SEPHS1: variants seen among roughly 807,000 people sequenced by gnomAD.
SEPHS1 encodes the protein selenophosphate synthetase 1.
In SEPHS1, 7 loss-of-function variants were observed where a neutral mutation model predicts 39.2. The observed-to-expected ratio is 0.18, with a 90% CI of 0.10 to 0.34. The LOEUF (loss-of-function observed/expected upper bound fraction) is 0.34. Among genes scored for constraint, SEPHS1 ranks in the 10% least tolerant of loss-of-function variants. The pLI is 1.00. For synonymous variants in SEPHS1, 190 were observed against 195.5 expected (o/e 0.97, Z 0.23); for missense variants, 253 against 514.5 (o/e 0.49, Z 4.92).
At chr10:13,326,634 A>G (rs1357477260) in intron 7 of SEPHS1, among the ~76,000 whole-genome samples, 1 of 151,586 alleles carries the variant, frequency 6.6e-6, no homozygotes, top group Non-Finnish European at 1.5e-5. Context: ...TGCAGTCTCA[A>G]CATCCTGGGC....
rs1834001875 is a variant in SEPHS1 at position 13,348,245 on chromosome 10, C to G, written c.-324G>C. 6.7e-6 allele frequency: 1 copy of G among 148,678 alleles called. No homozygotes were observed. The highest frequency in any genetic ancestry group is 1.5e-5 in the Non-Finnish European group (1 of 66,942). The allele number at this position is 148,678 out of a possible 1,614,324, so 9.2% of individuals were successfully genotyped here. A position where few individuals can be genotyped will look rare whatever the true frequency, so the allele number is the denominator to read the frequency against. ...TGGGCGCGCGGGGGTCCTTTAAGGC[C>G]GGCCACCTCCCTTTAAGAGGCGGCC... is the stretch of plus-strand genomic sequence containing the variant. On this transcript the variant is annotated 5_prime_UTR_variant, in exon 1 of 9. Coordinates refer to ENST00000327347, the MANE Select transcript of SEPHS1 (RefSeq NM_012247.5).
At chr10:13,346,568 G>T (rs577469374) in intron 1 of SEPHS1, among the ~76,000 whole-genome samples, 2 of 152,106 alleles carry the variant, frequency 1.3e-5, no homozygotes, top group Non-Finnish European at 2.9e-5. Flanking sequence ...GGCGCTGGCC[G>T]CAAGTGACAA....
intron 7 of SEPHS1, 84 bp downstream of exon 7, chr10:13,328,267 C>G: frequency 1.0e-6 from 1 of 961,854 alleles, no homozygotes. Context: ...GCCACCTACC[C>G]TGAGACAGTA....
At chr10:13,319,422 T>A in intron 8 of SEPHS1, 66 bp from the exon 9 acceptor site, 2 of 1,494,260 alleles carry the variant, frequency 1.3e-6, no homozygotes, top group South Asian at 1.2e-5. Flanking sequence ...CCTCTGCTGC[T>A]TCTGCAGAGA....
At chr10:13,343,891 C>T (rs2130699398) in intron 2 of SEPHS1, among the ~76,000 whole-genome samples, 1 of 152,228 alleles carries the variant, frequency 6.6e-6, no homozygotes, top group South Asian at 2.1e-4. Flanking sequence ...GCGTCGAACA[C>T]AAGAAAAGTG....
chr10:13,335,286 G>A (rs1194677647), intron 4 of SEPHS1, among the ~76,000 whole-genome samples: 1 of 152,204 alleles, frequency 6.6e-6, no homozygotes, highest in African/African-American at 2.4e-5. Flanking sequence ...CAGAGGGAGT[G>A]CCCTCTAAGT....
At chr10:13,347,937 GCC>G (rs1833983271) in intron 1 of SEPHS1, 61 bp downstream of exon 1, 1 of 147,372 alleles carries the variant, frequency 6.8e-6, no homozygotes, top group African/African-American at 2.5e-5. Context: ...GCCGCCGCGG[GCC>G]TGCGGACCCA....
At chr10:13,336,426 G>T in intron 3 of SEPHS1, 76 bp from the exon 4 acceptor site, 1 of 1,060,544 alleles carries the variant, frequency 9.4e-7, no homozygotes, top group Non-Finnish European at 1.4e-6. Flanking sequence ...CCATGGAGTG[G>T]ACTCCACAGA....
intron 5 of SEPHS1, among the ~76,000 whole-genome samples, chr10:13,332,045 C>A (rs184708444): frequency 6.6e-6 from 1 of 152,224 alleles, no homozygotes; most frequent in Non-Finnish European, 1.5e-5. Flanking sequence ...GGTATACACC[C>A]AAGAGACCGG....
intron 2 of SEPHS1, among the ~76,000 whole-genome samples, chr10:13,344,092 TCCAGTCCTGGGTCTGGAGCAGTC>T (rs753907704): frequency 1.4e-4 from 21 of 152,232 alleles, no homozygotes; most frequent in Admixed American, 2.0e-4. Flanking sequence ...AACAGATCCA[TCCAGTCCTGGGTCTGGAGCAGTC>T]CCACCTCCTC....
At chr10:13,345,232 C>G (rs1314291899) in intron 1 of SEPHS1, 1 of 260,788 alleles carries the variant, frequency 3.8e-6, no homozygotes, top group African/African-American at 2.2e-5. Context: ...TATGTAAAAT[C>G]TGACATCTGG....
chr10:13,321,795 C>T lies in SEPHS1; in HGVS notation c.964+1040G>A, dbSNP rs190415335. On this transcript the variant is annotated intron_variant, in intron 8 of 8. Coordinates refer to ENST00000327347, the MANE Select transcript of SEPHS1 (RefSeq NM_012247.5). The stretch of plus-strand genomic sequence containing the variant: ...GCCTGTAGGCTGTGGGTGGCGGCCT[C>T]GGCGGCCGGCAGGCCATGCTGGAGT... Among the ~76,000 whole-genome samples, 908 of 152,308 alleles carry T rather than the reference C, an allele frequency of 6.0e-3. 7 individuals are homozygous for T. Among genetic ancestry groups the T allele is most frequent in the Non-Finnish European group, 9.0e-3 (609 of 68,024 alleles).
Position 13,319,289 on chromosome 10 carries a change from T to C in SEPHS1, c.1032A>G (p.Lys344=). 1 of 1,613,928 alleles carries C rather than the reference T, an allele frequency of 6.2e-7. No individual in the cohort carries two copies. The highest frequency in any genetic ancestry group is 8.5e-7 in the Non-Finnish European group (1 of 1,179,918). Residue 344 remains lysine, a synonymous_variant, in exon 9 of 9, where the codon AAA becomes AAG. Transcript: ENST00000327347. Reference sequence around the variant, plus strand: ...TCCATGCTTGGTGGCCTTCACCATATTTGGGGGACTTTATCTCTGCACAGA... The same window carrying C: ...TCCATGCTTGGTGGCCTTCACCATACTTGGGGGACTTTATCTCTGCACAGA... ...ARFCAEIKSP[K]YGEGHQAWII... is the part of the protein sequence containing the mutation.
chr10:13,322,235 A>G (rs1833140012), intron 8 of SEPHS1, among the ~76,000 whole-genome samples: 1 of 150,242 alleles, frequency 6.7e-6, no homozygotes, highest in Non-Finnish European at 1.5e-5. Flanking sequence ...TCTGTCTCCC[A>G]GGTTCAAGTG....
At chr10:13,325,962 A>AAAT (rs1554789112) in intron 7 of SEPHS1, among the ~76,000 whole-genome samples, 2 of 67,830 alleles carry the variant, frequency 2.9e-5, no homozygotes, top group Admixed American at 4.1e-4. Context: ...AAAAAAAAAA[A>AAAT]AATAATAATA....
intron 2 of SEPHS1, among the ~76,000 whole-genome samples, chr10:13,341,512 G>C (rs1035155768): frequency 6.8e-6 from 1 of 147,744 alleles, no homozygotes; most frequent in Non-Finnish European, 1.5e-5. Flanking sequence ...GGCAACAAAT[G>C]TCTCTGGTTC....
chr10:13,333,463 CAG>C (rs1833529235), intron 5 of SEPHS1, among the ~76,000 whole-genome samples: 1 of 144,264 alleles, frequency 6.9e-6, no homozygotes, highest in Non-Finnish European at 1.5e-5. Flanking sequence ...TTTTTGGAGA[CAG>C]AATCTTGTTC....
At chr10:13,335,895 G>C (rs1231885584) in intron 4 of SEPHS1, among the ~76,000 whole-genome samples, 1 of 147,748 alleles carries the variant, frequency 6.8e-6, no homozygotes, top group East Asian at 2.0e-4. Context: ...CAGGAGAATT[G>C]TTTGAACCCG....
In SEPHS1 at chr10:13,344,891, T is replaced by A. The variant is rs561585619; in HGVS notation, c.60A>T (p.Leu20=). The A allele has an allele frequency of 8.7e-6, 14 of 1,605,358 alleles. No individual in the cohort carries two copies. In the South Asian group the frequency reaches 1.5e-4, roughly 17 times the overall value. The change falls in exon 2 of 9, where the codon CTA becomes CTT. Residue 20 remains leucine, a synonymous_variant. Coordinates refer to ENST00000327347, the MANE Select transcript of SEPHS1 (RefSeq NM_012247.5). Reference sequence around the variant, plus strand: ...TGCCCTTCAGTTCAGTGAATCTGGTTAGCCGGAAGCTTTTGTCCAATTCGT... The same window carrying A: ...TGCCCTTCAGTTCAGTGAATCTGGTAAGCCGGAAGCTTTTGTCCAATTCGT... ...ESYELDKSFR[L]TRFTELKGTG... is the part of the protein sequence containing the mutation.
Sources: gnomAD v4.1 joint callset for allele counts (sites outside exome capture counted in the v4.1 genomes callset) on GRCh38, gnomAD v4.1.1 for gene constraint, MANE v1.5 for transcripts, NCBI Gene and HGNC (gene_info 2026-07-23, HGNC 2026-07-21) for gene names.